The following CD36 variants were observed in gnomAD, a reference collection of about 807,000 sequenced individuals.
CD36 encodes the protein platelet glycoprotein 4.
In CD36, 119 loss-of-function variants were observed where a neutral mutation model predicts 55.2. That is an observed-to-expected ratio of 2.15 (90% confidence interval 1.86 to 2.51). The LOEUF (loss-of-function observed/expected upper bound fraction) is 2.51. CD36 is among the 30% of genes most tolerant of loss of function. CD36 has a pLI of 0.00. For missense variants in CD36, 819 were observed against 555.5 expected (o/e 1.47, Z -4.77); for synonymous variants, 186 against 193.6 (o/e 0.96, Z 0.33).
chr7:80,671,865 TATATGTGAA>T, intron 10 of CD36, 48 bp from the exon 11 acceptor site: 1 of 1,514,716 alleles, frequency 6.6e-7, no homozygotes, highest in Non-Finnish European at 9.1e-7. Flanking sequence ...TTTTTTGAGT[TATATGTGAA>T]ATGAAGGAAG....
chr7:80,613,815 G>A (rs1793004935), intron 1 of CD36, among the ~76,000 whole-genome samples: 1 of 152,060 alleles, frequency 6.6e-6, no homozygotes. Context: ...GTAATAAAAG[G>A]TAAATATTAT....
At chr7:80,624,253 T>C (rs763727057) in intron 1 of CD36, 2 of 152,214 alleles carry the variant, frequency 1.3e-5, no homozygotes, top group Admixed American at 1.3e-4. Context: ...TTTCACACTT[T>C]GCTTGCAATA....
chr7:80,670,227 T>C, intron 9 of CD36: 1 of 570,426 alleles, frequency 1.8e-6, no homozygotes. Flanking sequence ...CATTTTGCCT[T>C]TTAAAAACTA....
intron 10 of CD36, 87 bp downstream of exon 10, chr7:80,671,251 CA>C: frequency 1.2e-6 from 1 of 846,010 alleles, no homozygotes; most frequent in Non-Finnish European, 1.9e-6. Flanking sequence ...CTTTAGCAAC[CA>C]AAATTTAAAA....
intron 1 of CD36, among the ~76,000 whole-genome samples, chr7:80,615,930 A>T (rs967066499): frequency 1.6e-4 from 24 of 152,162 alleles, no homozygotes; most frequent in African/African-American, 5.8e-4. Flanking sequence ...TTTAGGAAGG[A>T]TAGAAGCTTG....
Position 80,663,041 on chromosome 7 carries a change from C to G in CD36, c.481C>G (p.Leu161Val). 6.2e-7 allele frequency: 1 copy of G among 1,613,320 alleles called. No homozygotes were observed. Among genetic ancestry groups the G allele is most frequent in the Non-Finnish European group, 8.5e-7 (1 of 1,179,456 alleles). The change falls in exon 6 of 15, where the codon CTT becomes GTT. Residue 161 changes from leucine to valine, a missense_variant. Transcript: ENST00000447544. ...NQFVQMILNS[L>V]INKSKSSMFQ... ...ATTTGTTCAAATGATCCTCAATTCA[C>G]TTATTAACAAGTCAAAATCTTCTAT... is the stretch of plus-strand genomic sequence containing the variant.
At position 80,619,448 on chromosome 7, in the gene CD36, A is replaced by T. The variant is rs561388263; in HGVS notation, c.-184+17069A>T. On this transcript the variant is annotated intron_variant, in intron 1 of 13. Transcript: ENST00000309881. Reference sequence around the variant, plus strand: ...GGTCACTTAAGGTCAGGAGTTTAAGACTAGCCTGGCCAACATTGCAAAACT... The same window carrying T: ...GGTCACTTAAGGTCAGGAGTTTAAGTCTAGCCTGGCCAACATTGCAAAACT... Among the ~76,000 whole-genome samples, 5 of 152,060 alleles carry T rather than the reference A, an allele frequency of 3.3e-5. No individual in the cohort carries two copies. The South Asian group carries it at 1.0e-3, about 32-fold the overall frequency.
chr7:80,665,459 C>A (rs1796985898), intron 7 of CD36, among the ~76,000 whole-genome samples: 1 of 88,000 alleles, frequency 1.1e-5, no homozygotes, highest in Non-Finnish European at 3.8e-5. Flanking sequence ...CTAAATATTA[C>A]TAGTGGAGTA....
rs1418721613 is a variant in CD36 at position 80,673,985 on chromosome 7, T to C, written c.1257T>C (p.Thr419=). 2 of 1,610,960 alleles carry C rather than the reference T, an allele frequency of 1.2e-6. No homozygotes were observed. Among genetic ancestry groups the C allele is most frequent in the Non-Finnish European group, 1.7e-6 (2 of 1,177,692 alleles). The part of the protein sequence containing the change: ...YIVPILWLNE[T]GTIGDEKANM... ...GTTGATTATTAACTTGATTACAGAC[T>C]GGGACCATTGGTGATGAGAAGGCAA... Residue 419 remains threonine (T), a splice_region_variant and synonymous_variant, in exon 14 of 15, where the codon ACT becomes ACC. Transcript: ENST00000447544.
At position 80,671,919 on chromosome 7, in the gene CD36, C is replaced by T; in HGVS notation, c.1007-3C>T. The T allele has an allele frequency of 1.2e-6, 2 of 1,610,626 alleles. No individual in the cohort carries two copies. The highest frequency in any genetic ancestry group is 1.7e-6 in the Non-Finnish European group (2 of 1,177,642). On this transcript the variant is annotated splice_polypyrimidine_tract_variant and splice_region_variant and intron_variant, in intron 10 of 14. Transcript: ENST00000447544. ...CCAATTGACTCTTAAAACTTGTCTT[C>T]AGGGAGACCTGTGTACATTTCACTT...
At chr7:80,655,293 C>T (rs959205902) in intron 3 of CD36, among the ~76,000 whole-genome samples, 1 of 151,624 alleles carries the variant, frequency 6.6e-6, no homozygotes, top group Non-Finnish European at 1.5e-5. Context: ...TCTACTACAG[C>T]GTAATAGACT....
chr7:80,648,312 TACA>T (rs1187686532), intron 3 of CD36, among the ~76,000 whole-genome samples: 2 of 151,986 alleles, frequency 1.3e-5, no homozygotes, highest in Non-Finnish European at 2.9e-5. Flanking sequence ...ACGTACAGAC[TACA>T]ACATCATTTG....
chr7:80,668,751 G>A (rs1488478711), intron 8 of CD36, among the ~76,000 whole-genome samples: 2 of 152,182 alleles, frequency 1.3e-5, no homozygotes, highest in African/African-American at 2.4e-5. Flanking sequence ...TGTCACAAGA[G>A]TGTAAACTAA....
intron 7 of CD36, among the ~76,000 whole-genome samples, chr7:80,665,681 T>TGTAAG (rs1457408860): frequency 1.3e-5 from 2 of 152,112 alleles, no homozygotes; most frequent in Admixed American, 1.3e-4. Context: ...ATTTTAAGAT[T>TGTAAG]GTAAGGTTGA....
chr7:80,628,794 AT>A (rs1793897019), intron 1 of CD36, among the ~76,000 whole-genome samples: 1 of 152,062 alleles, frequency 6.6e-6, no homozygotes, highest in Non-Finnish European at 1.5e-5. Context: ...CAATCAACAT[AT>A]GTAAGATGAA....
intron 1 of CD36, among the ~76,000 whole-genome samples, chr7:80,626,419 A>C (rs956327224): frequency 7.2e-5 from 11 of 152,142 alleles, no homozygotes; most frequent in Non-Finnish European, 1.5e-4. Flanking sequence ...GCCGGTTACC[A>C]GGCCATTGCC....
intron 6 of CD36, among the ~76,000 whole-genome samples, chr7:80,663,973 A>T (rs905787399): frequency 6.6e-6 from 1 of 152,112 alleles, no homozygotes; most frequent in Non-Finnish European, 1.5e-5. Context: ...TCTTTGGCTA[A>T]TGCTTTAACT....
At chr7:80,619,075 C>G (rs1793318944) in intron 1 of CD36, among the ~76,000 whole-genome samples, 1 of 152,124 alleles carries the variant, frequency 6.6e-6, no homozygotes, top group Non-Finnish European at 1.5e-5. Context: ...GAAATCAATG[C>G]TTACAACCAT....
chr7:80,669,907 A>G (rs879217566), intron 8 of CD36, 46 bp from the exon 9 acceptor site: 2 of 1,340,052 alleles, frequency 1.5e-6, no homozygotes, highest in Non-Finnish European at 2.1e-6. Flanking sequence ...GTTTTTTTCT[A>G]GAACACACAT....
Sources: allele counts gnomAD v4.1 joint callset (sites outside exome capture counted in the v4.1 genomes callset), GRCh38; gene constraint gnomAD v4.1.1; transcripts MANE v1.5; gene names NCBI Gene and HGNC (gene_info 2026-07-23, HGNC 2026-07-21).